The following LRRC4C variants were observed in gnomAD, a reference collection of about 807,000 sequenced individuals.
The protein encoded by LRRC4C is leucine-rich repeat-containing protein 4C.
A neutral mutation model predicts 33.6 loss-of-function variants in LRRC4C; 5 were observed. That is an observed-to-expected ratio of 0.15 (90% CI 0.08 to 0.31). The LOEUF is 0.31. LRRC4C is among the 10% of genes least tolerant of loss of function. The pLI, the probability that LRRC4C is intolerant of heterozygous loss-of-function variation, is 1.00. For synonymous variants in LRRC4C, 329 were observed against 302.0 expected (o/e 1.09, Z -0.93); for missense variants, 560 against 796.7 (o/e 0.70, Z 3.58).
Position 40,260,156 on chromosome 11 carries a change from A to C in LRRC4C, c.-175-18558T>G, listed in dbSNP as rs1173697681. 6.6e-5 allele frequency among the ~76,000 whole-genome samples: 8 copies of C among 120,752 alleles called. 1 individual carries two copies. The highest frequency in any genetic ancestry group is 6.5e-4 in the Admixed American group (7 of 10,694). The allele number at this position is 120,752 out of a possible 152,430, so 79.2% of individuals were successfully genotyped here. A position where few individuals can be genotyped will look rare whatever the true frequency, so the allele number is the denominator to read the frequency against. On this transcript the variant is annotated intron_variant, in intron 4 of 6. Transcript: ENST00000528697. ...ATAGCAAAGACTTGGAACCAACCCAAATGTCCAACAATGATAGACTGGATT... is the reference window on the plus strand; with the variant it reads ...ATAGCAAAGACTTGGAACCAACCCACATGTCCAACAATGATAGACTGGATT...
intron 2 of LRRC4C, among the ~76,000 whole-genome samples, chr11:40,663,302 C>T (rs1235004112): frequency 2.0e-5 from 3 of 152,094 alleles, no homozygotes; most frequent in South Asian, 2.1e-4. Flanking sequence ...AAGCTGGTTT[C>T]GAACTCCTAA....
chr11:40,570,173 A>G (rs894972055), intron 3 of LRRC4C, among the ~76,000 whole-genome samples: 3 of 152,248 alleles, frequency 2.0e-5, no homozygotes, highest in South Asian at 2.1e-4. Context: ...CCAAAATAGT[A>G]CAATGTCTGA....
intron 1 of LRRC4C, among the ~76,000 whole-genome samples, chr11:41,326,981 G>A (rs928344893): frequency 6.6e-6 from 1 of 152,056 alleles, no homozygotes; most frequent in Non-Finnish European, 1.5e-5. Context: ...CATGTATCTA[G>A]GGCAAGAAAC....
At chr11:40,796,476 A>C (rs139819423) in intron 2 of LRRC4C, among the ~76,000 whole-genome samples, 1 of 152,232 alleles carries the variant, frequency 6.6e-6, no homozygotes, top group African/African-American at 2.4e-5. Context: ...AAAGACATAG[A>C]GTATTTGCTT....
At chr11:41,260,842 G>T (rs1948958653) in intron 1 of LRRC4C, among the ~76,000 whole-genome samples, 2 of 151,926 alleles carry the variant, frequency 1.3e-5, no homozygotes, top group Admixed American at 6.6e-5. Context: ...GTACCTAAAA[G>T]TTTCAATGCA....
At chr11:40,397,354 A>G (rs1208125858) in intron 3 of LRRC4C, among the ~76,000 whole-genome samples, 2 of 152,108 alleles carry the variant, frequency 1.3e-5, no homozygotes, top group South Asian at 2.1e-4. Context: ...GCTGGCAGTC[A>G]TCCTAGACAT....
At chr11:40,181,613 G>A (rs1409789936) in intron 5 of LRRC4C, among the ~76,000 whole-genome samples, 1 of 152,156 alleles carries the variant, frequency 6.6e-6, no homozygotes, top group Non-Finnish European at 1.5e-5. Flanking sequence ...TGCTATTTTG[G>A]TACACACTGT....
intron 1 of LRRC4C, among the ~76,000 whole-genome samples, chr11:41,058,337 T>C (rs1414780845): frequency 1.3e-5 from 2 of 152,210 alleles, no homozygotes. Flanking sequence ...CCAGTGCCCA[T>C]GCCAGCACCT....
At chr11:40,395,103 AT>A (rs1949489018) in intron 3 of LRRC4C, among the ~76,000 whole-genome samples, 1 of 152,168 alleles carries the variant, frequency 6.6e-6, no homozygotes, top group African/African-American at 2.4e-5. Flanking sequence ...ATTCACACAT[AT>A]CTTTAAACAA....
intron 1 of LRRC4C, among the ~76,000 whole-genome samples, chr11:40,951,436 C>G (rs1343632053): frequency 6.6e-6 from 1 of 151,746 alleles, no homozygotes; most frequent in Non-Finnish European, 1.5e-5. Flanking sequence ...AAAAAAAATT[C>G]CTGATGCAAA....
intron 3 of LRRC4C, among the ~76,000 whole-genome samples, chr11:40,429,437 A>C (rs1360989783): frequency 6.6e-6 from 1 of 152,092 alleles, no homozygotes; most frequent in Non-Finnish European, 1.5e-5. Context: ...AGGTATGTAA[A>C]CTTAGTTTCA....
intron 1 of LRRC4C, among the ~76,000 whole-genome samples, chr11:41,120,850 G>A (rs577314616): frequency 2.0e-5 from 3 of 152,084 alleles, no homozygotes; most frequent in Admixed American, 6.6e-5. Context: ...CAGTGAGTGA[G>A]TTATCATGAA....
chr11:41,232,510 A>G (rs2136472294), intron 1 of LRRC4C, among the ~76,000 whole-genome samples: 1 of 152,144 alleles, frequency 6.6e-6, no homozygotes, highest in Non-Finnish European at 1.5e-5. Context: ...ATTAGGAACC[A>G]TATTTCAAAA....
At chr11:41,158,651 A>G (rs1364371405) in intron 1 of LRRC4C, among the ~76,000 whole-genome samples, 2 of 152,138 alleles carry the variant, frequency 1.3e-5, no homozygotes, top group Admixed American at 1.3e-4. Flanking sequence ...AACAAAAACT[A>G]TCACTCATGC....
rs537894324 is a variant in LRRC4C at position 40,779,370 on chromosome 11, C to T, written c.-406-131092G>A. Among the ~76,000 whole-genome samples, 8 of 152,178 alleles carry T rather than the reference C, an allele frequency of 5.3e-5. No individual in the cohort carries two copies. In the South Asian group the frequency reaches 1.7e-3, roughly 32 times the overall value. On this transcript the variant is annotated intron_variant, in intron 2 of 6. Coordinates refer to ENST00000528697, the MANE Select transcript of LRRC4C (RefSeq NM_001258419.2). The stretch of plus-strand genomic sequence containing the variant: ...AATGTTAACCTAATGCCTATCTTGG[C>T]ATGGGGAGTTTTATACCTATATTTT...
chr11:40,787,269 G>A (rs1268295099), intron 2 of LRRC4C, among the ~76,000 whole-genome samples: 1 of 151,946 alleles, frequency 6.6e-6, no homozygotes, highest in Admixed American at 6.6e-5. Context: ...ACTGGGGGGG[G>A]TAGGGGGAGG....
chr11:40,431,114 A>C (rs1201868786), intron 3 of LRRC4C, among the ~76,000 whole-genome samples: 3 of 151,200 alleles, frequency 2.0e-5, no homozygotes, highest in Admixed American at 1.3e-4. Context: ...AAAAAAAAAA[A>C]ATAAATTAAG....
At chr11:40,373,463 A>C (rs1948538992) in intron 3 of LRRC4C, among the ~76,000 whole-genome samples, 1 of 152,216 alleles carries the variant, frequency 6.6e-6, no homozygotes, top group Non-Finnish European at 1.5e-5. Flanking sequence ...TTTTCCCCAA[A>C]ATTAATAAAT....
intron 4 of LRRC4C, among the ~76,000 whole-genome samples, chr11:40,316,944 A>AG (rs1413318643): frequency 6.6e-6 from 1 of 151,390 alleles, no homozygotes; most frequent in Non-Finnish European, 1.5e-5. Context: ...ATATGCTAAA[A>AG]AAGATGTTAT....
Sources: allele counts gnomAD v4.1 joint callset (sites outside exome capture counted in the v4.1 genomes callset), GRCh38; gene constraint gnomAD v4.1.1; transcripts MANE v1.5; gene names NCBI Gene and HGNC (gene_info 2026-07-23, HGNC 2026-07-21).